Variants in TMEM135 observed in about 807,000 individuals in gnomAD.
TMEM135 encodes the protein peroxisomal membrane protein 52.
Under a neutral mutation model 60.3 loss-of-function variants are expected in TMEM135, and 30 were observed. The ratio of observed to expected loss-of-function variants is 0.50; its 90% confidence interval spans 0.37 to 0.68. TMEM135 has a LOEUF of 0.68. TMEM135 is among the 30% of genes least tolerant of loss of function. The pLI, the probability that TMEM135 is intolerant of heterozygous loss-of-function variation, is 0.00. For missense variants in TMEM135, 468 were observed against 548.8 expected (o/e 0.85, Z 1.47); for synonymous variants, 190 against 186.7 (o/e 1.02, Z -0.14).
chr11:87,070,637 A>AAACAACAAC lies in TMEM135; in HGVS notation c.270-877_270-869dup, dbSNP rs143313442. On this transcript the variant is annotated intron_variant, in intron 2 of 14. Transcript: ENST00000305494. ...GGCAACAGAGCAAGACTCCATCTAA[A>AAACAACAAC]AACAACAACAACAACAAAAAACCAA... 9.3e-5 allele frequency among the ~76,000 whole-genome samples: 14 copies of AAACAACAAC among 151,296 alleles called. 1 individual carries two copies. Among genetic ancestry groups the AAACAACAAC allele is most frequent in the Non-Finnish European group, 1.5e-5 (1 of 67,952 alleles).
Position 87,322,214 on chromosome 11 carries a change from G to A in TMEM135, c.*881G>A, listed in dbSNP as rs1009102507. On this transcript the variant is annotated 3_prime_UTR_variant, in exon 15 of 15. Coordinates refer to ENST00000305494, the MANE Select transcript of TMEM135 (RefSeq NM_022918.4). ...ATAGCTCAGTTTATATGCCATTGTT[G>A]TATTAGAAGGGATCAAAATCCTATG... 1 of 454,220 alleles carries A rather than the reference G, an allele frequency of 2.2e-6. No homozygotes were observed. The highest frequency in any genetic ancestry group is 4.4e-6 in the Non-Finnish European group (1 of 226,738). The allele number at this position is 454,220 out of a possible 1,614,324, so 28.1% of individuals were successfully genotyped here.
At chr11:87,134,456 G>A (rs1454334789) in intron 4 of TMEM135, among the ~76,000 whole-genome samples, 1 of 152,118 alleles carries the variant, frequency 6.6e-6, no homozygotes, top group African/African-American at 2.4e-5. Context: ...GTTATATGGA[G>A]AGCACATGTC....
chr11:87,056,736 C>T (rs1037188718), intron 1 of TMEM135, among the ~76,000 whole-genome samples: 1 of 152,050 alleles, frequency 6.6e-6, no homozygotes, highest in African/African-American at 2.4e-5. Context: ...ATCATCCTTC[C>T]TGGGCTTGAA....
chr11:87,091,713 T>A (rs1164944926), intron 4 of TMEM135, among the ~76,000 whole-genome samples: 1 of 152,108 alleles, frequency 6.6e-6, no homozygotes, highest in Non-Finnish European at 1.5e-5. Context: ...TTTATATATC[T>A]AATTTCATAT....
intron 1 of TMEM135, among the ~76,000 whole-genome samples, chr11:87,045,541 G>T (rs1191568868): frequency 6.6e-6 from 1 of 152,228 alleles, no homozygotes; most frequent in Admixed American, 6.5e-5. Flanking sequence ...TGTCATAGAT[G>T]AGGGATAAAA....
intron 5 of TMEM135, among the ~76,000 whole-genome samples, chr11:87,200,748 A>G (rs1362666689): frequency 1.1e-5 from 1 of 91,600 alleles, no homozygotes; most frequent in East Asian, 7.8e-4. Flanking sequence ...ACTGCTGCAA[A>G]AATCCCATGT....
intron 10 of TMEM135, 83 bp downstream of exon 10, chr11:87,309,755 AT>A: frequency 1.4e-6 from 2 of 1,415,222 alleles, no homozygotes; most frequent in Non-Finnish European, 9.8e-7. Context: ...TAGTTCACTT[AT>A]TTTTTAATGC....
intron 4 of TMEM135, among the ~76,000 whole-genome samples, chr11:87,139,953 T>G (rs1406048823): frequency 2.0e-5 from 3 of 152,180 alleles, no homozygotes; most frequent in Non-Finnish European, 4.4e-5. Flanking sequence ...ATTTTTTGGG[T>G]TGTGTAGCTT....
At chr11:87,237,658 A>G (rs1210958829) in intron 6 of TMEM135, among the ~76,000 whole-genome samples, 1 of 151,962 alleles carries the variant, frequency 6.6e-6, no homozygotes, top group Non-Finnish European at 1.5e-5. Flanking sequence ...ACCAGATGCT[A>G]TTATCCTTTG....
intron 6 of TMEM135, among the ~76,000 whole-genome samples, chr11:87,250,671 T>C (rs470693): frequency 0.66 from 100,110 of 151,912 alleles, 33,578 homozygotes; most frequent in Non-Finnish European, 0.71. Context: ...TTTTAAGACT[T>C]GTTTTGTGGC....
At chr11:87,203,032 C>CAAAAAAAAAAAAAAAAA (rs534909524) in intron 5 of TMEM135, among the ~76,000 whole-genome samples, 8 of 33,590 alleles carry the variant, frequency 2.4e-4, no homozygotes, top group African/African-American at 7.0e-4. Context: ...GACTCCGTCT[C>CAAAAAAAAAAAAAAAAA]AAAAAAAAAA....
chr11:87,045,173 G>T (rs1223323084), intron 1 of TMEM135, among the ~76,000 whole-genome samples: 1 of 151,788 alleles, frequency 6.6e-6, no homozygotes, highest in East Asian at 1.9e-4. Flanking sequence ...TGGACTACAG[G>T]TGCCTGCCAC....
intron 6 of TMEM135, among the ~76,000 whole-genome samples, chr11:87,249,825 A>C (rs1215829631): frequency 6.6e-6 from 1 of 152,180 alleles, no homozygotes; most frequent in Non-Finnish European, 1.5e-5. Flanking sequence ...TATTGTCCTC[A>C]TAGAATGAGT....
chr11:87,203,032 C>CAAAAAAAAAAAAAAAAAAA (rs534909524), intron 5 of TMEM135, among the ~76,000 whole-genome samples: 2 of 33,592 alleles, frequency 6.0e-5, no homozygotes, highest in African/African-American at 1.8e-4. Flanking sequence ...GACTCCGTCT[C>CAAAAAAAAAAAAAAAAAAA]AAAAAAAAAA....
chr11:87,111,720 A>C (rs373087064), intron 4 of TMEM135, among the ~76,000 whole-genome samples: 2 of 151,844 alleles, frequency 1.3e-5, no homozygotes, highest in East Asian at 3.9e-4. Flanking sequence ...GTATTCAGTG[A>C]ATTATACCCA....
rs1565436799 is a variant in TMEM135, at chr11:87,091,462, TA to T, written c.396+74del. 5.4e-6 allele frequency: 8 copies of T among 1,492,426 alleles called. No individual in the cohort carries two copies. The East Asian group carries it at 9.1e-5, about 17-fold the overall frequency. 92.4% of individuals were successfully genotyped at this position (1,492,426 alleles called of 1,614,324 possible). A position where few individuals can be genotyped will look rare whatever the true frequency, so the allele number is the denominator to read the frequency against. ...ATATCTTTTTAAAATCAAGTTTTCT[TA>T]AAAAAAGTAAAAGAGGAAAGCCACT... is the stretch of plus-strand genomic sequence containing the variant. On this transcript the variant is annotated intron_variant, in intron 4 of 14. Coordinates refer to ENST00000305494, the MANE Select transcript of TMEM135 (RefSeq NM_022918.4).
intron 6 of TMEM135, chr11:87,259,062 A>AAAGAGGGAGAGAAAG: frequency 7.6e-7 from 1 of 1,315,586 alleles, no homozygotes; most frequent in Non-Finnish European, 1.1e-6. Flanking sequence ...TGTGAGCCAC[A>AAAGAGGGAGAGAAAG]AAGAGGGAGA....
At chr11:87,192,345 T>G (rs1939828212) in intron 5 of TMEM135, among the ~76,000 whole-genome samples, 1 of 152,086 alleles carries the variant, frequency 6.6e-6, no homozygotes, top group Non-Finnish European at 1.5e-5. Context: ...GGTACCAATT[T>G]CAGTATTTTT....
chr11:87,089,870 GACATTAAAAAAACCTTATAGATAATCTT>G (rs2090477956), intron 3 of TMEM135, among the ~76,000 whole-genome samples: 1 of 151,912 alleles, frequency 6.6e-6, no homozygotes. Context: ...TAGAAAAAAG[GACATTAAAAAAACCTTATAGATAATCTT>G]ACAAGTGATT....
Sources: gnomAD v4.1 joint callset for allele counts (sites outside exome capture counted in the v4.1 genomes callset) on GRCh38, gnomAD v4.1.1 for gene constraint, MANE v1.5 for transcripts, NCBI Gene and HGNC (gene_info 2026-07-23, HGNC 2026-07-21) for gene names.